The following EXOC6B variants were observed in gnomAD, a reference collection of about 807,000 sequenced individuals.
The protein encoded by EXOC6B is SEC15 homolog B.
Under a neutral mutation model 113.5 loss-of-function variants are expected in EXOC6B, and 54 were observed. That is an observed-to-expected ratio of 0.48 (90% CI 0.38 to 0.60). EXOC6B has a LOEUF of 0.60. Ranked by LOEUF, EXOC6B falls within the 20% of genes least tolerant of loss-of-function variation. The pLI, the probability that EXOC6B is intolerant of heterozygous loss-of-function variation, is 0.00. For synonymous variants in EXOC6B, 357 were observed against 339.0 expected, an observed-to-expected ratio of 1.05 and a Z score of -0.58; for missense variants, 797 against 977.5, an observed-to-expected ratio of 0.82 and a Z score of 2.46.
chr2:72,800,425 T>C (rs1046004688), intron 1 of EXOC6B, among the ~76,000 whole-genome samples: 3 of 152,198 alleles, frequency 2.0e-5, no homozygotes, highest in African/African-American at 7.2e-5. Context: ...ATTCTGCCTG[T>C]CATAAAAAAA....
At chr2:72,574,031 G>A (rs559504139) in intron 7 of EXOC6B, among the ~76,000 whole-genome samples, 2 of 151,718 alleles carry the variant, frequency 1.3e-5, no homozygotes, top group African/African-American at 4.8e-5. Flanking sequence ...CAGGAGAATG[G>A]CGTGAACCCA....
chr2:72,526,923 C>A (rs1274753711), intron 8 of EXOC6B, among the ~76,000 whole-genome samples: 1 of 151,708 alleles, frequency 6.6e-6, no homozygotes, highest in Non-Finnish European at 1.5e-5. Flanking sequence ...CTATCCAGTC[C>A]CCCAAATTTA....
chr2:72,490,686 T>C (rs1009783206), intron 16 of EXOC6B, among the ~76,000 whole-genome samples: 1 of 152,114 alleles, frequency 6.6e-6, no homozygotes, highest in Non-Finnish European at 1.5e-5. Context: ...AGGAATAACA[T>C]TTAGTATTCA....
chr2:72,381,013 C>A (rs752905620), intron 18 of EXOC6B, among the ~76,000 whole-genome samples: 37 of 152,004 alleles, frequency 2.4e-4, no homozygotes, highest in Non-Finnish European at 4.6e-4. Context: ...TTAACGTATC[C>A]CCTAAACATT....
intron 6 of EXOC6B, among the ~76,000 whole-genome samples, chr2:72,687,383 T>C (rs1677166300): frequency 6.6e-6 from 1 of 152,168 alleles, no homozygotes; most frequent in African/African-American, 2.4e-5. Flanking sequence ...AACACTAACT[T>C]CTATGACTTC....
intron 8 of EXOC6B, among the ~76,000 whole-genome samples, chr2:72,525,703 A>G (rs529996546): frequency 6.6e-6 from 1 of 152,280 alleles, no homozygotes; most frequent in Non-Finnish European, 1.5e-5. Flanking sequence ...TATAAAACAA[A>G]TAAGGTGCAA....
chr2:72,259,283 T>G (rs977294111), intron 20 of EXOC6B, among the ~76,000 whole-genome samples: 2 of 152,248 alleles, frequency 1.3e-5, no homozygotes, highest in African/African-American at 4.8e-5. Context: ...AACAAGATCA[T>G]ACAGTATGTT....
chr2:72,230,665 A>G (rs1310861287), intron 20 of EXOC6B, among the ~76,000 whole-genome samples: 1 of 152,228 alleles, frequency 6.6e-6, no homozygotes, highest in Non-Finnish European at 1.5e-5. Context: ...TGAAAAGCTT[A>G]CAATAGCTGG....
intron 13 of EXOC6B, among the ~76,000 whole-genome samples, chr2:72,497,223 C>G (rs1301087715): frequency 6.6e-6 from 1 of 151,994 alleles, no homozygotes; most frequent in African/African-American, 2.4e-5. Flanking sequence ...ATCTTCCTAC[C>G]TTGGCTCCCA....
chr2:72,362,028 T>A (rs1267095945), intron 19 of EXOC6B, among the ~76,000 whole-genome samples: 2 of 152,208 alleles, frequency 1.3e-5, no homozygotes, highest in Admixed American at 6.5e-5. Flanking sequence ...AGGCAAAATC[T>A]CTACATTGGT....
chr2:72,735,236 T>C (rs1680873629), intron 2 of EXOC6B, among the ~76,000 whole-genome samples: 1 of 152,166 alleles, frequency 6.6e-6, no homozygotes, highest in South Asian at 2.1e-4. Flanking sequence ...TTGTTTGCCT[T>C]ATGAAGGCAC....
At chr2:72,443,507 G>A (rs564940986) in intron 18 of EXOC6B, among the ~76,000 whole-genome samples, 1 of 152,146 alleles carries the variant, frequency 6.6e-6, no homozygotes, top group South Asian at 2.1e-4. Flanking sequence ...ATATGCAGAA[G>A]ACTGAAGCTG....
In EXOC6B at chr2:72,238,172, C is replaced by A. The variant is rs542547259; in HGVS notation, c.2197-53985G>T. ...TAGATGGAATCATATAATATGTGGC[C>A]TTTTGTGCTTGCTTCCTTCACTTAA... On this transcript the variant is annotated intron_variant, in intron 20 of 21. Transcript: ENST00000272427. Among the ~76,000 whole-genome samples the A allele has an allele frequency of 1.6e-4, 24 of 152,268 alleles. No homozygotes were observed. In the East Asian group the frequency reaches 4.4e-3, roughly 28 times the overall value.
intron 18 of EXOC6B, among the ~76,000 whole-genome samples, chr2:72,393,107 T>C (rs1692491688): frequency 6.6e-6 from 1 of 151,906 alleles, no homozygotes; most frequent in African/African-American, 2.4e-5. Context: ...GGGTTCTTTT[T>C]TTTTTTGAGA....
At chr2:72,299,565 T>A (rs545278547) in intron 20 of EXOC6B, among the ~76,000 whole-genome samples, 1 of 152,116 alleles carries the variant, frequency 6.6e-6, no homozygotes, top group Admixed American at 6.5e-5. Flanking sequence ...TGTTCCCTTG[T>A]TGGCGATCCT....
At chr2:72,208,393 A>C (rs1679965116) in intron 20 of EXOC6B, among the ~76,000 whole-genome samples, 1 of 152,060 alleles carries the variant, frequency 6.6e-6, no homozygotes, top group African/African-American at 2.4e-5. Flanking sequence ...AGCTGCATCC[A>C]TGTTGCTGCA....
chr2:72,418,462 C>T (rs1694668069), intron 18 of EXOC6B, among the ~76,000 whole-genome samples: 1 of 152,126 alleles, frequency 6.6e-6, no homozygotes, highest in Non-Finnish European at 1.5e-5. Context: ...CCTATCAGTT[C>T]TGTTAATCTT....
intron 18 of EXOC6B, among the ~76,000 whole-genome samples, chr2:72,409,917 T>C (rs1175181099): frequency 6.6e-6 from 1 of 152,086 alleles, no homozygotes; most frequent in Non-Finnish European, 1.5e-5. Flanking sequence ...AATATAGACA[T>C]GTTCTGCTCC....
intron 20 of EXOC6B, among the ~76,000 whole-genome samples, chr2:72,209,845 T>C (rs1019420136): frequency 6.6e-6 from 1 of 152,168 alleles, no homozygotes; most frequent in South Asian, 2.1e-4. Context: ...CTGTGCATAT[T>C]TGAATACACT....
Sources: gnomAD v4.1 joint callset for allele counts (sites outside exome capture counted in the v4.1 genomes callset) on GRCh38, gnomAD v4.1.1 for gene constraint, MANE v1.5 for transcripts, NCBI Gene and HGNC (gene_info 2026-07-23, HGNC 2026-07-21) for gene names.